DACH2: variants seen among roughly 807,000 people sequenced by gnomAD.
DACH2 encodes dachshund homolog 2.
In DACH2, 17 loss-of-function variants were observed where a neutral mutation model predicts 35.8. The ratio of observed to expected loss-of-function variants is 0.48; its 90% CI spans 0.33 to 0.71. DACH2 has a LOEUF of 0.71. Among genes scored for constraint, DACH2 ranks in the 30% least tolerant of loss-of-function variants. The pLI is 0.02. For synonymous variants in DACH2, 195 were observed against 177.3 expected (o/e 1.10, Z -0.79); for missense variants, 469 against 472.7 (o/e 0.99, Z 0.07).
intron 3 of DACH2, among the ~76,000 whole-genome samples, chrX:86,607,320 T>C (rs1247079931): frequency 1.8e-5 from 2 of 111,619 alleles, no homozygotes; most frequent in African/African-American, 6.5e-5. Context: ...GCAACATGAT[T>C]TAGTTTCTTA....
chrX:86,307,569 C>T (rs954619827), intron 1 of DACH2, among the ~76,000 whole-genome samples: 3 of 111,396 alleles, frequency 2.7e-5, no homozygotes, highest in African/African-American at 9.8e-5. Context: ...GCCTTTCCAC[C>T]TTTGTCTGAG....
intron 4 of DACH2, among the ~76,000 whole-genome samples, chrX:86,668,180 G>A (rs1346021274): frequency 8.9e-6 from 1 of 111,932 alleles, no homozygotes; most frequent in East Asian, 2.8e-4. Flanking sequence ...TCTTATGCAA[G>A]TTTTGTTGTA....
chrX:86,402,212 A>G (rs2036447092), intron 2 of DACH2, among the ~76,000 whole-genome samples: 1 of 111,909 alleles, frequency 8.9e-6, no homozygotes, highest in Non-Finnish European at 1.9e-5. Context: ...AAGAAACAAA[A>G]TCTATCCAAA....
At chrX:86,830,167 C>T (rs999996662) in intron 11 of DACH2, 3 of 111,463 alleles carry the variant, frequency 2.7e-5, no homozygotes, top group African/African-American at 9.8e-5. Context: ...ATAAATCACT[C>T]ATATTATAGC....
chrX:86,690,166 G>A (rs1214121729), intron 4 of DACH2, among the ~76,000 whole-genome samples: 1 of 111,750 alleles, frequency 8.9e-6, no homozygotes, highest in Non-Finnish European at 1.9e-5. Flanking sequence ...AAGAATGATT[G>A]CTTGGAATTT....
At chrX:86,692,396 TA>T (rs2041021100) in intron 4 of DACH2, among the ~76,000 whole-genome samples, 1 of 109,370 alleles carries the variant, frequency 9.1e-6, no homozygotes, top group Non-Finnish European at 1.9e-5. Flanking sequence ...GTCATTAACA[TA>T]GTAGTTAACA....
At chrX:86,553,880 TG>T (rs754015395) in intron 3 of DACH2, among the ~76,000 whole-genome samples, 1 of 111,340 alleles carries the variant, frequency 9.0e-6, no homozygotes, top group East Asian at 2.9e-4. Flanking sequence ...AAATGATTCA[TG>T]GGTAACTATA....
At chrX:86,400,178 A>C (rs867508901) in intron 2 of DACH2, among the ~76,000 whole-genome samples, 1 of 111,853 alleles carries the variant, frequency 8.9e-6, no homozygotes, top group Admixed American at 9.5e-5. Context: ...CGCATCGGCT[A>C]CTGAGGCTTG....
rs559461576 is a variant in DACH2 at position 86,539,236 on chromosome X, C to A, written c.640+24845C>A. 3.1e-4 allele frequency among the ~76,000 whole-genome samples: 35 copies of A among 111,235 alleles called. 1 individual carries two copies. The South Asian group carries it at 0.011, about 34-fold the overall frequency. The stretch of plus-strand genomic sequence containing the variant: ...GTGCTTGGCGGTTTCCCCTTCACTC[C>A]CTCTCTCCTGCCACCTTGTGAATAC... On this transcript the variant is annotated intron_variant, in intron 3 of 11. Coordinates refer to ENST00000373125, the MANE Select transcript of DACH2 (RefSeq NM_053281.3).
intron 7 of DACH2, among the ~76,000 whole-genome samples, chrX:86,746,622 T>G (rs1371753179): frequency 9.0e-6 from 1 of 111,675 alleles, no homozygotes; most frequent in Non-Finnish European, 1.9e-5. Flanking sequence ...TTTATTTAAT[T>G]TATCATTTGT....
At chrX:86,636,371 G>A (rs6418348) in intron 3 of DACH2, among the ~76,000 whole-genome samples, 7 of 110,283 alleles carry the variant, frequency 6.3e-5, no homozygotes, top group Non-Finnish European at 9.5e-5. Flanking sequence ...TCACTTGAAC[G>A]CGGGAGGCAG....
rs148931022 is a variant in DACH2 at position 86,783,599 on chromosome X, T to A, written c.1241-29257T>A. ...TATTCAGCTATGATAAGGAATGAGATCTTGTCATTTGCAACAGCATGGATG... is the reference window on the plus strand; with the variant it reads ...TATTCAGCTATGATAAGGAATGAGAACTTGTCATTTGCAACAGCATGGATG... On this transcript the variant is annotated intron_variant, in intron 7 of 11. Transcript: ENST00000373125. Among the ~76,000 whole-genome samples the A allele has an allele frequency of 1.4e-4, 16 of 112,167 alleles. No individual in the cohort carries two copies. In the Admixed American group the frequency reaches 1.5e-3, roughly 11 times the overall value.
intron 7 of DACH2, among the ~76,000 whole-genome samples, chrX:86,782,541 C>G (rs2042098306): frequency 9.0e-6 from 1 of 111,581 alleles, no homozygotes; most frequent in African/African-American, 3.3e-5. Context: ...CAGAATGGTA[C>G]TGGCATAAAA....
chrX:86,663,126 C>T (rs2040626261), intron 4 of DACH2, among the ~76,000 whole-genome samples: 1 of 110,395 alleles, frequency 9.1e-6, no homozygotes, highest in Non-Finnish European at 1.9e-5. Flanking sequence ...TTCAAGAAAC[C>T]GCTATTAAGA....
chrX:86,173,022 C>T (rs2031176899), intron 1 of DACH2, among the ~76,000 whole-genome samples: 1 of 112,134 alleles, frequency 8.9e-6, no homozygotes, highest in Admixed American at 9.5e-5. Flanking sequence ...AAGTATAAAA[C>T]TGGGATCCAG....
intron 3 of DACH2, among the ~76,000 whole-genome samples, chrX:86,598,005 A>G (rs1487809727): frequency 9.0e-6 from 1 of 111,664 alleles, no homozygotes; most frequent in Non-Finnish European, 1.9e-5. Flanking sequence ...ATGGTGGCAG[A>G]CAAGAGAAGG....
At chrX:86,234,617 T>TG (rs1398115305) in intron 1 of DACH2, among the ~76,000 whole-genome samples, 1 of 77,058 alleles carries the variant, frequency 1.3e-5, no homozygotes, top group Non-Finnish European at 2.4e-5. Context: ...TATTTTAATT[T>TG]AATTTTTTTT....
At chrX:86,258,828 T>G (rs73516030) in intron 1 of DACH2, among the ~76,000 whole-genome samples, 3,706 of 111,903 alleles carry the variant, frequency 0.033, 148 homozygotes, top group African/African-American at 0.11. Context: ...CATTAAATAT[T>G]TAAATAGTGT....
intron 4 of DACH2, among the ~76,000 whole-genome samples, chrX:86,665,432 T>C (rs1210265237): frequency 9.0e-6 from 1 of 111,516 alleles, no homozygotes; most frequent in African/African-American, 3.3e-5. Context: ...AAGAGAAAAT[T>C]AGTGGTAATA....
Sources: allele counts gnomAD v4.1 joint callset (sites outside exome capture counted in the v4.1 genomes callset), GRCh38; gene constraint gnomAD v4.1.1; transcripts MANE v1.5; gene names NCBI Gene and HGNC (gene_info 2026-07-23, HGNC 2026-07-21).